The following C4orf54 variants were observed in gnomAD, a reference collection of about 807,000 sequenced individuals.
C4orf54 encodes chromosome 4 open reading frame 54, also known as uncharacterized protein C4orf54.
A neutral mutation model predicts 80.1 loss-of-function variants in C4orf54; 67 were observed. That is an observed-to-expected ratio of 0.84 (90% CI 0.69 to 1.03). The LOEUF (loss-of-function observed/expected upper bound fraction) is 1.03. Among genes scored for constraint, C4orf54 ranks in the 50% least tolerant of loss-of-function variants. C4orf54 has a pLI of 0.00. For synonymous variants in C4orf54, 1,000 were observed against 917.0 expected (o/e 1.09, Z -1.64); for missense variants, 2,434 against 2,253.5 (o/e 1.08, Z -1.62).
rs1231482005 is a variant in C4orf54, at chr4:99,652,483, G to A, written c.2166C>T (p.Ser722=). The A allele has an allele frequency of 6.5e-7, 1 of 1,535,850 alleles. No individual in the cohort carries two copies. Among genetic ancestry groups the A allele is most frequent in the Non-Finnish European group, 8.7e-7 (1 of 1,146,708 alleles). The change falls in exon 2 of 3, where the codon AGC becomes AGT. Residue 722 remains serine, a synonymous_variant. Transcript: ENST00000511828. ...SQTKALEFVV[S]KVEGEIKHVE... is the part of the protein sequence containing the mutation. ...CATGTTTGATTTCCCCCTCGACTTT[G>A]CTGACCACGAACTCCAAGGCCTTGG...
Position 99,651,453 on chromosome 4 carries a change from C to A in C4orf54, c.3196G>T (p.Glu1066Ter). ...GSASNLFKTI[E>*]DNSRAQQKLF... ...TTCTGCTGTGCCCTGCTGTTGTCCT[C>A]GATGGTCTTGAACAGGTTAGAGGCG... The change falls in exon 2 of 3, where the codon GAG becomes TAG. Residue 1066 changes from glutamate (E) to a stop codon, truncating the protein, a stop_gained. Coordinates refer to ENST00000511828, the MANE Select transcript of C4orf54 (RefSeq NM_001354435.2). LOFTEE classifies it high-confidence loss of function. 1 of 1,536,264 alleles carries A rather than the reference C, an allele frequency of 6.5e-7. No individual in the cohort carries two copies. The highest frequency in any genetic ancestry group is 8.7e-7 in the Non-Finnish European group (1 of 1,146,920).
chr4:99,645,193 C>T (rs1301476297), intron 2 of C4orf54, among the ~76,000 whole-genome samples: 5 of 151,992 alleles, frequency 3.3e-5, no homozygotes, highest in Non-Finnish European at 7.4e-5. Flanking sequence ...TACAAAGAGA[C>T]TGGGTTTGAT....
chr4:99,652,889 G>T lies in C4orf54; in HGVS notation c.1760C>A (p.Pro587His), dbSNP rs1408107160. The change falls in exon 2 of 3, where the codon CCT becomes CAT. Residue 587 changes from proline (P) to histidine (H), a missense_variant. Transcript: ENST00000511828. Reference protein sequence around the residue: ...QDHAKKFIAVPARLQTRCGAI... With the variant: ...QDHAKKFIAVHARLQTRCGAI... ...CCCGCACCTGGTTTGCAGGCGAGCA[G>T]GTACAGCAATGAATTTCTTTGCATG... 1 of 1,536,166 alleles carries T rather than the reference G, an allele frequency of 6.5e-7. No homozygotes were observed. The highest frequency in any genetic ancestry group is 8.7e-7 in the Non-Finnish European group (1 of 1,146,918).
intron 2 of C4orf54, among the ~76,000 whole-genome samples, chr4:99,642,008 T>C (rs1434274733): frequency 6.6e-6 from 1 of 152,164 alleles, no homozygotes; most frequent in African/African-American, 2.4e-5. Context: ...GCAAGGGACA[T>C]TTTAATTCTG....
At chr4:99,654,707 A>G in intron 1 of C4orf54, 28 bp from the exon 2 acceptor site, 1 of 633,072 alleles carries the variant, frequency 1.6e-6, no homozygotes, top group Non-Finnish European at 2.9e-6. Flanking sequence ...AGGTCACGTC[A>G]TTCCAGAAAT....
chr4:99,652,755 G>A lies in C4orf54; in HGVS notation c.1894C>T (p.Arg632Trp). 3.3e-6 allele frequency: 5 copies of A among 1,536,080 alleles called. No homozygotes were observed. Among genetic ancestry groups the A allele is most frequent in the South Asian group, 1.2e-5 (1 of 84,056 alleles). ...TCAAAGTAGGGGTAAGCCAGGCTCC[G>A]GAAGGCCCGGGAGGTCAGGTTACGC... ...EVRNLTSRAF[R>W]SLAYPYFEAL... The change falls in exon 2 of 3, where the codon CGG (arginine) becomes TGG (tryptophan). Residue 632 changes from arginine to tryptophan, a missense_variant. Coordinates refer to ENST00000511828, the MANE Select transcript of C4orf54 (RefSeq NM_001354435.2).
chr4:99,653,520 C>T lies in C4orf54; in HGVS notation c.1129G>A (p.Glu377Lys). Residue 377 changes from glutamate to lysine, a missense_variant, in exon 2 of 3, where the codon GAG becomes AAG. By Grantham distance (56) the Glu-to-Lys change is moderately conservative. Coordinates refer to ENST00000511828, the MANE Select transcript of C4orf54 (RefSeq NM_001354435.2). ...YITTHEIQLSEVEQDMDFDVG... is the reference protein window; with the variant it reads ...YITTHEIQLSKVEQDMDFDVG... ...TCGAAATCCATGTCCTGTTCCACCTCACTCAGCTGGATCTCATGGGTGGTG... is the reference window on the plus strand; with the variant it reads ...TCGAAATCCATGTCCTGTTCCACCTTACTCAGCTGGATCTCATGGGTGGTG... 1 of 1,536,136 alleles carries T rather than the reference C, an allele frequency of 6.5e-7. No individual in the cohort carries two copies. Among genetic ancestry groups the T allele is most frequent in the East Asian group, 2.4e-5 (1 of 40,918 alleles).
In C4orf54 at chr4:99,643,954, A is replaced by T. The variant is rs528791176; in HGVS notation, c.*37-2758T>A. On this transcript the variant is annotated intron_variant, in intron 2 of 2. Coordinates refer to ENST00000511828, the MANE Select transcript of C4orf54 (RefSeq NM_001354435.2). The stretch of plus-strand genomic sequence containing the variant: ...ATATAATTAACCCTTTAACGTACTG[A>T]TGTGGCCGAGAGGAAAAATGCAATG... Among the ~76,000 whole-genome samples, 73 of 152,194 alleles carry T rather than the reference A, an allele frequency of 4.8e-4. 1 individual carries two copies. Among genetic ancestry groups the T allele is most frequent in the Non-Finnish European group, 9.6e-4 (65 of 68,040 alleles).
Position 99,654,204 on chromosome 4 carries a change from G to C in C4orf54, c.445C>G (p.Pro149Ala). The C allele has an allele frequency of 6.5e-7, 1 of 1,536,140 alleles. No individual in the cohort carries two copies. The highest frequency in any genetic ancestry group is 8.7e-7 in the Non-Finnish European group (1 of 1,146,906). ...PGQGLIMEAA[P>A]PELNSKARQA... ...CTTGCTTTCGAATTCAGCTCAGGAG[G>C]GGCAGCTTCCATTATGAGCCCTTGC... The change falls in exon 2 of 3, where the codon CCT becomes GCT. Residue 149 changes from proline to alanine, a missense_variant. Physicochemically the swap from Pro to Ala is conservative, Grantham distance 27. Coordinates refer to ENST00000511828, the MANE Select transcript of C4orf54 (RefSeq NM_001354435.2).
At position 99,652,323 on chromosome 4, in the gene C4orf54, C is replaced by T; in HGVS notation, c.2326G>A (p.Gly776Ser). ...GTGTATGCCGACCCGGGACCCTTGC[C>T]GGGGCCTTTGGTGGCCCTGCCGGGC... ...PGPGRATKGP[G>S]KGPGSAYTDD... The change falls in exon 2 of 3, where the codon GGC becomes AGC. Residue 776 changes from glycine to serine, a missense_variant. Gly to Ser is a moderately conservative substitution (Grantham distance 56, BLOSUM62 0). Coordinates refer to ENST00000511828, the MANE Select transcript of C4orf54 (RefSeq NM_001354435.2). 1 of 1,535,858 alleles carries T rather than the reference C, an allele frequency of 6.5e-7. No homozygotes were observed. The highest frequency in any genetic ancestry group is 8.7e-7 in the Non-Finnish European group (1 of 1,146,812).
At chr4:99,643,739 A>AACACACATACACAC (rs1726643617) in intron 2 of C4orf54, among the ~76,000 whole-genome samples, 1 of 98,914 alleles carries the variant, frequency 1.0e-5, no homozygotes, top group South Asian at 4.0e-4. Flanking sequence ...CCCAAGCCAC[A>AACACACATACACAC]ACACACACAC....
In C4orf54 at chr4:99,652,544, G is replaced by A. The variant is rs964005702; in HGVS notation, c.2105C>T (p.Ala702Val). 6 of 1,536,052 alleles carry A rather than the reference G, an allele frequency of 3.9e-6. No homozygotes were observed. Among genetic ancestry groups the A allele is most frequent in the Non-Finnish European group, 5.2e-6 (6 of 1,146,892 alleles). The change falls in exon 2 of 3, where the codon GCC becomes GTC. Residue 702 changes from alanine (A) to valine (V), a missense_variant. Ala to Val is a moderately conservative substitution (Grantham distance 64). Coordinates refer to ENST00000511828, the MANE Select transcript of C4orf54 (RefSeq NM_001354435.2). ...CTTGGACTGGATGTAGAGCTGGTCG[G>A]CAGTGGCCCGGGCCCCACTGCCCTT... ...LRKGSGARATADQLYIQSKKS... is the reference protein window; with the variant it reads ...LRKGSGARATVDQLYIQSKKS...
intron 1 of C4orf54, among the ~76,000 whole-genome samples, chr4:99,656,975 T>A (rs896547382): frequency 1.3e-5 from 2 of 152,248 alleles, no homozygotes; most frequent in African/African-American, 4.8e-5. Context: ...AACTTGTTTG[T>A]TTTTTCTGGT....
intron 2 of C4orf54, among the ~76,000 whole-genome samples, chr4:99,641,703 A>C (rs914259911): frequency 3.3e-5 from 5 of 152,186 alleles, no homozygotes; most frequent in Non-Finnish European, 5.9e-5. Flanking sequence ...TACTGGTTAG[A>C]ACCTATCTTA....
intron 2 of C4orf54, among the ~76,000 whole-genome samples, chr4:99,642,480 A>C (rs1056412847): frequency 1.3e-5 from 2 of 152,204 alleles, no homozygotes; most frequent in Admixed American, 1.3e-4. Context: ...CTGGTTATAC[A>C]ATCTGCTAGG....
chr4:99,651,259 C>T lies in C4orf54; in HGVS notation c.3390G>A (p.Leu1130=). The T allele has an allele frequency of 6.5e-7, 1 of 1,536,162 alleles. No homozygotes were observed. Among genetic ancestry groups the T allele is most frequent in the African/African-American group, 1.4e-5 (1 of 73,174 alleles). ...DKGSVTPEQG[L]TGPKPRQLSA... ...ACAGCTGCCTGGGTTTGGGTCCAGT[C>T]AGCCCCTGCTCTGGGGTAACACTGC... Residue 1130 remains leucine, a synonymous_variant, in exon 2 of 3, where the codon CTG becomes CTA. Transcript: ENST00000511828.
rs1578274361 is a variant in C4orf54, at chr4:99,651,542, A to T, written c.3107T>A (p.Val1036Glu). Residue 1036 changes from valine (V) to glutamate (E), a missense_variant, in exon 2 of 3, where the codon GTG becomes GAG. Physicochemically the swap from Val to Glu is moderately radical, Grantham distance 121. Transcript: ENST00000511828. ...GTTGAAGTCTGAGCTCGGCTGCTGC[A>T]CACTCCCCAGCCGGATCTTGATTTC... ...APEIKIRLGS[V>E]QQPSSDFNIA... The T allele has an allele frequency of 6.5e-7, 1 of 1,536,034 alleles. No homozygotes were observed. The highest frequency in any genetic ancestry group is 1.4e-5 in the African/African-American group (1 of 73,128).
chr4:99,657,494 C>A lies in C4orf54; in HGVS notation c.-32+1G>T, dbSNP rs1231435158. Among the ~76,000 whole-genome samples the A allele has an allele frequency of 6.6e-6, 1 of 152,188 alleles. No homozygotes were observed. Among genetic ancestry groups the A allele is most frequent in the Non-Finnish European group, 1.5e-5 (1 of 68,040 alleles). ...AGCATCATTCTGACAGTAGTACTTA[C>A]CTCCAAAGTATCTGTGTGGCTCCTT... is the stretch of plus-strand genomic sequence containing the variant. On this transcript the variant is annotated splice_donor_variant, in intron 1 of 2. Coordinates refer to ENST00000511828, the MANE Select transcript of C4orf54 (RefSeq NM_001354435.2). LOFTEE classifies it low-confidence loss of function (5UTR_SPLICE).
In C4orf54 at chr4:99,640,746, T is replaced by A. The variant is rs1419642212; in HGVS notation, c.*487A>T. The A allele has an allele frequency of 6.6e-6, 1 of 152,118 alleles. No homozygotes were observed. The highest frequency in any genetic ancestry group is 2.4e-5 in the African/African-American group (1 of 41,448). 9.4% of individuals were successfully genotyped at this position (152,118 alleles called of 1,614,324 possible). A position where few individuals can be genotyped will look rare whatever the true frequency, so the allele number is the denominator to read the frequency against. On this transcript the variant is annotated 3_prime_UTR_variant, in exon 3 of 3. Transcript: ENST00000511828. ...TCATAGTGAAAACTTAAATACGTAT[T>A]ACAACTCAGCCAGCTAGTCTTGATA...
Sources: gnomAD v4.1 joint callset for allele counts (sites outside exome capture counted in the v4.1 genomes callset) on GRCh38, gnomAD v4.1.1 for gene constraint, MANE v1.5 for transcripts, NCBI Gene and HGNC (gene_info 2026-07-23, HGNC 2026-07-21) for gene names.